ARL15: variants seen among roughly 807,000 people sequenced by gnomAD.
ARL15 encodes ARF like GTPase 15.
A neutral mutation model predicts 25.2 loss-of-function variants in ARL15; 19 were observed. The ratio of observed to expected loss-of-function variants is 0.75; its 90% CI spans 0.53 to 1.10. ARL15 has a LOEUF of 1.10. Among genes scored for constraint, ARL15 ranks in the 50% least tolerant of loss-of-function variants. The pLI is 0.00. For synonymous variants in ARL15, 94 were observed against 86.8 expected, an observed-to-expected ratio of 1.08 and a Z score of -0.46; for missense variants, 220 against 246.0, an observed-to-expected ratio of 0.89 and a Z score of 0.71.
chr5:54,310,301 G>C, intron 1 of ARL15, 131 bp downstream of exon 1: 1 of 1,054,656 alleles, frequency 9.5e-7, no homozygotes, highest in South Asian at 1.7e-5. Context: ...TTACCAGCCG[G>C]CTGCGGGAGA....
At chr5:53,941,742 A>C (rs1415892136) in intron 4 of ARL15, among the ~76,000 whole-genome samples, 1 of 152,074 alleles carries the variant, frequency 6.6e-6, no homozygotes, top group African/African-American at 2.4e-5. Flanking sequence ...TTATGTGGTG[A>C]TTCTTCTTTG....
At chr5:54,169,871 T>A (rs1193235696) in intron 2 of ARL15, among the ~76,000 whole-genome samples, 1 of 152,104 alleles carries the variant, frequency 6.6e-6, no homozygotes, top group East Asian at 1.9e-4. Context: ...GCTCTGCTAA[T>A]CTTCTCTGGG....
At chr5:54,035,402 G>T (rs1201941087) in intron 4 of ARL15, among the ~76,000 whole-genome samples, 1 of 152,110 alleles carries the variant, frequency 6.6e-6, no homozygotes. Context: ...AAAAAACTTT[G>T]ATTATTTTAG....
At chr5:54,111,692 A>G (rs969630201) in intron 4 of ARL15, among the ~76,000 whole-genome samples, 1 of 152,100 alleles carries the variant, frequency 6.6e-6, no homozygotes, top group African/African-American at 2.4e-5. Context: ...TGTATTATGT[A>G]TATATTACAT....
intron 1 of ARL15, among the ~76,000 whole-genome samples, chr5:54,197,267 C>A (rs1755577036): frequency 6.6e-6 from 1 of 152,074 alleles, no homozygotes; most frequent in African/African-American, 2.4e-5. Flanking sequence ...TCTGGGTGCT[C>A]TCCAGGTAAT....
chr5:54,047,622 A>C (rs1750563594), intron 4 of ARL15, among the ~76,000 whole-genome samples: 1 of 152,204 alleles, frequency 6.6e-6, no homozygotes, highest in African/African-American at 2.4e-5. Flanking sequence ...TTGCAGACTA[A>C]AAGAATATAG....
intron 4 of ARL15, among the ~76,000 whole-genome samples, chr5:53,919,209 G>A (rs750590047): frequency 3.9e-5 from 6 of 152,162 alleles, no homozygotes; most frequent in East Asian, 1.9e-4. Flanking sequence ...ATACTACATC[G>A]TAAGTCTACG....
chr5:54,156,851 T>C (rs934793605), intron 2 of ARL15, among the ~76,000 whole-genome samples: 2 of 152,182 alleles, frequency 1.3e-5, no homozygotes, highest in Non-Finnish European at 2.9e-5. Context: ...AACACTGGCA[T>C]GTACCTGAGC....
intron 2 of ARL15, among the ~76,000 whole-genome samples, chr5:54,158,391 C>T (rs1024370485): frequency 3.3e-5 from 5 of 152,136 alleles, no homozygotes; most frequent in East Asian, 1.9e-4. Flanking sequence ...AACTACATAT[C>T]GGTTGATTTG....
At chr5:53,997,241 G>A (rs983924345) in intron 4 of ARL15, among the ~76,000 whole-genome samples, 9 of 152,042 alleles carry the variant, frequency 5.9e-5, no homozygotes, top group Non-Finnish European at 2.9e-5. Flanking sequence ...GCTCAGAAGA[G>A]TTCCCTAATC....
At chr5:54,137,878 CTT>C (rs3836816) in intron 3 of ARL15, among the ~76,000 whole-genome samples, 45 of 144,532 alleles carry the variant, frequency 3.1e-4, no homozygotes, top group Admixed American at 8.9e-4. Context: ...AGAGAGAAAG[CTT>C]TTTTTTTTTT....
At chr5:54,098,812 G>A (rs1752358365) in intron 4 of ARL15, among the ~76,000 whole-genome samples, 1 of 152,054 alleles carries the variant, frequency 6.6e-6, no homozygotes, top group African/African-American at 2.4e-5. Flanking sequence ...TTCCCCCAAA[G>A]AAAACCCATT....
intron 1 of ARL15, among the ~76,000 whole-genome samples, chr5:54,228,852 A>T (rs73754501): frequency 0.016 from 2,508 of 152,328 alleles, 78 homozygotes; most frequent in African/African-American, 0.058. Flanking sequence ...TCCTTTAAAG[A>T]AGCTGAGCAT....
chr5:54,065,586 A>AGGCTGAGGCAGGAGAATC, intron 4 of ARL15, among the ~76,000 whole-genome samples: 1 of 152,146 alleles, frequency 6.6e-6, no homozygotes, highest in Non-Finnish European at 1.5e-5. Context: ...GAATCACTTG[A>AGGCTGAGGCAGGAGAATC]ACCCAGGAGG....
At chr5:54,107,205 A>G (rs1752614599) in intron 4 of ARL15, among the ~76,000 whole-genome samples, 1 of 152,166 alleles carries the variant, frequency 6.6e-6, no homozygotes, top group Non-Finnish European at 1.5e-5. Context: ...AGCACAGGAA[A>G]GACTGGCCCC....
chr5:53,957,720 A>T (rs1174938632), intron 4 of ARL15, among the ~76,000 whole-genome samples: 1 of 152,136 alleles, frequency 6.6e-6, no homozygotes, highest in Non-Finnish European at 1.5e-5. Flanking sequence ...GCTACTCAGG[A>T]GGCTGAGGTG....
At chr5:54,289,016 T>C (rs1465961487) in intron 1 of ARL15, among the ~76,000 whole-genome samples, 1 of 152,162 alleles carries the variant, frequency 6.6e-6, no homozygotes, top group African/African-American at 2.4e-5. Flanking sequence ...AGCAAAAGAA[T>C]TTTCCATACG....
At chr5:54,289,603 G>A (rs973080448) in intron 1 of ARL15, among the ~76,000 whole-genome samples, 4 of 150,832 alleles carry the variant, frequency 2.7e-5, no homozygotes, top group African/African-American at 9.9e-5. Flanking sequence ...GCAGTTCTGG[G>A]AGACATTAAG....
chr5:54,064,549 G>A (rs1751160816), intron 4 of ARL15, among the ~76,000 whole-genome samples: 1 of 152,176 alleles, frequency 6.6e-6, no homozygotes, highest in South Asian at 2.1e-4. Flanking sequence ...ATCAGTCTTT[G>A]AGAGTATGAA....
Sources: gnomAD v4.1 joint callset for allele counts (sites outside exome capture counted in the v4.1 genomes callset) on GRCh38, gnomAD v4.1.1 for gene constraint, MANE v1.5 for transcripts, NCBI Gene and HGNC (gene_info 2026-07-23, HGNC 2026-07-21) for gene names.